KRTAP5-8: variants seen among roughly 807,000 people sequenced by gnomAD.
KRTAP5-8 encodes the protein keratin associated protein 5-8.
A neutral mutation model predicts 2.7 loss-of-function variants in KRTAP5-8; 2 were observed. The observed-to-expected ratio is 0.75, with a 90% CI of 0.30 to 2.35. The LOEUF (loss-of-function observed/expected upper bound fraction) is 2.35. KRTAP5-8 is among the 30% of genes most tolerant of loss of function. KRTAP5-8 has a pLI of 0.12. For synonymous variants in KRTAP5-8, 62 were observed against 89.1 expected, an observed-to-expected ratio of 0.70 and a Z score of 1.71; for missense variants, 183 against 227.2, an observed-to-expected ratio of 0.81 and a Z score of 1.25.
chr11:71,538,073 C>T lies in KRTAP5-8; in HGVS notation c.18C>T (p.Cys6=), dbSNP rs770120165. The change falls in exon 1 of 1, where the codon TGC becomes TGT. Residue 6 remains cysteine (C), a synonymous_variant. Transcript: ENST00000398534. The part of the protein sequence containing the change: MGCCG[C]SGGCGSGCGG... ...CCAGAACCATGGGCTGCTGTGGCTG[C>T]TCTGGAGGCTGTGGCTCCGGCTGTG... 1.2e-6 allele frequency: 2 copies of T among 1,612,540 alleles called. No homozygotes were observed. Among genetic ancestry groups the T allele is most frequent in the Non-Finnish European group, 1.7e-6 (2 of 1,179,878 alleles).
rs1950066210 is a variant in KRTAP5-8 at position 71,539,107 on chromosome 11, G to C, written c.*488G>C. 4.8e-6 allele frequency: 1 copy of C among 209,918 alleles called. No individual in the cohort carries two copies. Among genetic ancestry groups the C allele is most frequent in the East Asian group, 1.2e-4 (1 of 8,156 alleles). The allele number at this position is 209,918 out of a possible 1,614,324, so 13.0% of individuals were successfully genotyped here. A position where few individuals can be genotyped will look rare whatever the true frequency, so the allele number is the denominator to read the frequency against. On this transcript the variant is annotated 3_prime_UTR_variant, in exon 1 of 1. Coordinates refer to ENST00000398534, the MANE Select transcript of KRTAP5-8 (RefSeq NM_021046.3). Reference sequence around the variant, plus strand: ...CTCTCCTGAGGAGGAGGGGCGCCCAGTCTCCTCTTCTACCTCTGACCTGGC... The same window carrying C: ...CTCTCCTGAGGAGGAGGGGCGCCCACTCTCCTCTTCTACCTCTGACCTGGC...
chr11:71,538,461 T>C lies in KRTAP5-8; in HGVS notation c.406T>C (p.Ser136Pro). 6.3e-7 allele frequency: 1 copy of C among 1,578,492 alleles called. No homozygotes were observed. The highest frequency in any genetic ancestry group is 1.1e-5 in the South Asian group (1 of 89,380). Residue 136 changes from serine to proline, a missense_variant, in exon 1 of 1, where the codon TCC (serine) becomes CCC (proline). Ser to Pro is a moderately conservative substitution (Grantham distance 74, BLOSUM62 -1). Transcript: ENST00000398534. Reference sequence around the variant, plus strand: ...AGGCTGTGGGTCATCCTGCTGCCAGTCCAGCTGCTGCAAGCCCTGCTGTTC... The same window carrying C: ...AGGCTGTGGGTCATCCTGCTGCCAGCCCAGCTGCTGCAAGCCCTGCTGTTC... ...SSGCGSSCCQ[S>P]SCCKPCCSQS...
chr11:71,538,221 T>G lies in KRTAP5-8; in HGVS notation c.166T>G (p.Ser56Ala), dbSNP rs1257421691. 1.2e-6 allele frequency: 2 copies of G among 1,612,742 alleles called. No homozygotes were observed. Among genetic ancestry groups the G allele is most frequent in the Non-Finnish European group, 1.7e-6 (2 of 1,179,840 alleles). Reference sequence around the variant, plus strand: ...CTCCAGCTGTGGCTCCTGTGGGGGCTCCAAGGGGGGCCGTGGCTCCTGTGG... The same window carrying G: ...CTCCAGCTGTGGCTCCTGTGGGGGCGCCAAGGGGGGCCGTGGCTCCTGTGG... ...SCSSCGSCGG[S>A]KGGRGSCGGS... The change falls in exon 1 of 1, where the codon TCC (serine) becomes GCC (alanine). Residue 56 changes from serine (S) to alanine (A), a missense_variant. Physicochemically the swap from Ser to Ala is moderately conservative, Grantham distance 99. Around this residue, in one of 2 missense-constraint regions of KRTAP5-8, gnomAD observed 113 missense variants for 109.3 expected, o/e 1.03. Transcript: ENST00000398534.
Position 71,538,317 on chromosome 11 carries a change from T to G in KRTAP5-8, c.262T>G (p.Cys88Gly). Reference protein sequence around the residue: ...GGCGSCGCSQCSCYKPCCCSS... With the variant: ...GGCGSCGCSQGSCYKPCCCSS... Reference sequence around the variant, plus strand: ...CTGTGGTTCTTGTGGCTGCTCCCAGTGCAGCTGCTATAAGCCCTGCTGTTG... The same window carrying G: ...CTGTGGTTCTTGTGGCTGCTCCCAGGGCAGCTGCTATAAGCCCTGCTGTTG... The change falls in exon 1 of 1, where the codon TGC (cysteine) becomes GGC (glycine). Residue 88 changes from cysteine (C) to glycine (G), a missense_variant. By Grantham distance (159) the Cys-to-Gly change is radical (BLOSUM62 -3). Coordinates refer to ENST00000398534, the MANE Select transcript of KRTAP5-8 (RefSeq NM_021046.3). The G allele has an allele frequency of 1.2e-6, 2 of 1,613,764 alleles. No individual in the cohort carries two copies. Among genetic ancestry groups the G allele is most frequent in the Non-Finnish European group, 1.7e-6 (2 of 1,179,838 alleles).
rs1196855533 is a variant in KRTAP5-8 at position 71,538,080 on chromosome 11, G to A, written c.25G>A (p.Gly9Ser). 1.3e-6 allele frequency: 2 copies of A among 1,580,168 alleles called. No homozygotes were observed. The highest frequency in any genetic ancestry group is 1.7e-6 in the Non-Finnish European group (2 of 1,169,778). Residue 9 changes from glycine to serine, a missense_variant, in exon 1 of 1, where the codon GGC (glycine) becomes AGC (serine). Physicochemically the swap from Gly to Ser is moderately conservative, Grantham distance 56. Around this residue, in one of 2 missense-constraint regions of KRTAP5-8, gnomAD observed 113 missense variants for 109.3 expected, o/e 1.03. Coordinates refer to ENST00000398534, the MANE Select transcript of KRTAP5-8 (RefSeq NM_021046.3). MGCCGCSGGCGSGCGGCGS... is the reference protein window; with the variant it reads MGCCGCSGSCGSGCGGCGS... ...CATGGGCTGCTGTGGCTGCTCTGGA[G>A]GCTGTGGCTCCGGCTGTGGGGGCTG...
rs758646337 is a variant in KRTAP5-8 at position 71,538,396 on chromosome 11, G to A, written c.341G>A (p.Cys114Tyr). 13 of 1,611,818 alleles carry A rather than the reference G, an allele frequency of 8.1e-6. No individual in the cohort carries two copies. The highest frequency in any genetic ancestry group is 1.3e-5 in the African/African-American group (1 of 74,826). ...CCQSSCCKPC[C>Y]SQSSCCKPCS... Reference sequence around the variant, plus strand: ...CAGTCCAGCTGCTGCAAACCCTGCTGTTCCCAGTCCAGCTGTTGTAAGCCC... The same window carrying A: ...CAGTCCAGCTGCTGCAAACCCTGCTATTCCCAGTCCAGCTGTTGTAAGCCC... Residue 114 changes from cysteine to tyrosine, a missense_variant, in exon 1 of 1, where the codon TGT (cysteine) becomes TAT (tyrosine). Cys to Tyr is a radical substitution (Grantham distance 194, BLOSUM62 -2). This residue lies in a region of KRTAP5-8 where 70 missense variants were observed against 117.9 expected (regional missense o/e 0.59). Coordinates refer to ENST00000398534, the MANE Select transcript of KRTAP5-8 (RefSeq NM_021046.3).
Sources: gnomAD v4.1 joint callset for allele counts on GRCh38, gnomAD v4.1.1 for gene constraint, gnomAD v4.1.1 regional missense constraint, MANE v1.5 for transcripts, NCBI Gene and HGNC (gene_info 2026-07-23, HGNC 2026-07-21) for gene names.